The following PLCH1 variants were observed in gnomAD, a reference collection of about 807,000 sequenced individuals.
The protein encoded by PLCH1 is 1-phosphatidylinositol 4,5-bisphosphate phosphodiesterase eta-1.
In PLCH1, 60 loss-of-function variants were observed where a neutral mutation model predicts 126.7. That is an observed-to-expected ratio of 0.47 (90% CI 0.38 to 0.59). PLCH1 has a LOEUF of 0.59. Among genes scored for constraint, PLCH1 ranks in the 20% least tolerant of loss-of-function variants. The pLI is 0.00. For missense variants in PLCH1, 1,723 were observed against 2,040.0 expected (o/e 0.84, Z 2.99); for synonymous variants, 719 against 734.9 (o/e 0.98, Z 0.35).
chr3:155,524,626 C>A (rs1337897394), intron 10 of PLCH1, among the ~76,000 whole-genome samples: 2 of 151,362 alleles, frequency 1.3e-5, no homozygotes, highest in Non-Finnish European at 3.0e-5. Context: ...TGGAGACTTT[C>A]AAAAAAGGGA....
Position 155,452,944 on chromosome 3 carries a change from T to C in PLCH1, c.2938+32412A>G, listed in dbSNP as rs1319027037. On this transcript the variant is annotated intron_variant, in intron 21 of 21. Coordinates refer to the PLCH1 transcript ENST00000494598. Reference sequence around the variant, plus strand: ...AAGTTGAACTCCCAGCCTCACAAGGTATCTACTATTAAAATGAGGATATCG... The same window carrying C: ...AAGTTGAACTCCCAGCCTCACAAGGCATCTACTATTAAAATGAGGATATCG... Among the ~76,000 whole-genome samples the C allele has an allele frequency of 6.6e-5, 10 of 152,292 alleles. No homozygotes were observed. The South Asian group carries it at 2.1e-3, about 32-fold the overall frequency.
intron 21 of PLCH1, among the ~76,000 whole-genome samples, chr3:155,458,807 A>T (rs1466482599): frequency 6.6e-6 from 1 of 152,200 alleles, no homozygotes; most frequent in Non-Finnish European, 1.5e-5. Context: ...GTCTTAAAAG[A>T]CGGGACAACC....
downstream of PLCH1, among the ~76,000 whole-genome samples, chr3:155,476,584 A>G (rs1171989835): frequency 6.6e-6 from 1 of 151,664 alleles, no homozygotes; most frequent in Non-Finnish European, 1.5e-5. Context: ...ACTGATAAAC[A>G]AATTCAGCAA....
chr3:155,523,861 T>C, intron 11 of PLCH1, 36 bp downstream of exon 11: 1 of 1,208,084 alleles, frequency 8.3e-7, no homozygotes, highest in Non-Finnish European at 1.2e-6. Flanking sequence ...ATACAGCATA[T>C]CAAGGATAAA....
chr3:155,553,400 C>T (rs1726391950), intron 9 of PLCH1, among the ~76,000 whole-genome samples: 1 of 152,106 alleles, frequency 6.6e-6, no homozygotes, highest in South Asian at 2.1e-4. Flanking sequence ...AGCCACCGTG[C>T]CCGGCCTCAC....
intron 1 of PLCH1, among the ~76,000 whole-genome samples, chr3:155,708,216 T>G (rs1029858657): frequency 6.6e-6 from 1 of 152,146 alleles, no homozygotes; most frequent in Non-Finnish European, 1.5e-5. Flanking sequence ...AGGAGACTAA[T>G]GAAAAGATGC....
At chr3:155,469,342 C>A (rs1713067792) in intron 21 of PLCH1, among the ~76,000 whole-genome samples, 1 of 152,184 alleles carries the variant, frequency 6.6e-6, no homozygotes, top group African/African-American at 2.4e-5. Flanking sequence ...CAGGTCACTC[C>A]CACCCGAATA....
intron 2 of PLCH1, among the ~76,000 whole-genome samples, chr3:155,664,238 T>C (rs1201043540): frequency 1.3e-5 from 2 of 152,226 alleles, no homozygotes; most frequent in Non-Finnish European, 2.9e-5. Context: ...AAGAAACCTA[T>C]GGTGCTCATC....
chr3:155,547,807 G>A (rs1387766654), intron 10 of PLCH1, among the ~76,000 whole-genome samples: 4 of 145,562 alleles, frequency 2.7e-5, no homozygotes, highest in East Asian at 2.0e-4. Flanking sequence ...ACCAAACACC[G>A]CATATTCTCA....
rs1488045740 is a variant in PLCH1 at position 155,494,611 on chromosome 3, A to G, written c.1895-94T>C. 6 of 1,015,056 alleles carry G rather than the reference A, an allele frequency of 5.9e-6. No homozygotes were observed. In the Admixed American group the frequency reaches 6.1e-5, roughly 10 times the overall value. 62.9% of individuals were successfully genotyped at this position (1,015,056 alleles called of 1,614,324 possible). ...TTTATAATAATGTCAGATTATACCA[A>G]TAGCAAAAAGCAGAGCACTAGAGAG... On this transcript the variant is annotated intron_variant, in intron 15 of 22. Transcript: ENST00000460012.
At chr3:155,732,653 G>T (rs1360038416) in intron 1 of PLCH1, among the ~76,000 whole-genome samples, 1 of 151,994 alleles carries the variant, frequency 6.6e-6, no homozygotes, top group Admixed American at 6.6e-5. Flanking sequence ...TGAGGCAGGC[G>T]AATCACCCGA....
intron 8 of PLCH1, among the ~76,000 whole-genome samples, chr3:155,562,913 A>G (rs1298315691): frequency 1.3e-5 from 2 of 152,202 alleles, no homozygotes; most frequent in South Asian, 4.1e-4. Context: ...CCCAGTCACC[A>G]ATCGACAGCA....
intron 2 of PLCH1, among the ~76,000 whole-genome samples, chr3:155,646,285 C>T (rs1263159971): frequency 6.6e-6 from 1 of 152,222 alleles, no homozygotes; most frequent in Non-Finnish European, 1.5e-5. Flanking sequence ...GATGACATCA[C>T]CAACCACCCA....
At position 155,565,133 on chromosome 3, in the gene PLCH1, G is replaced by C; in HGVS notation, c.866-15C>G. On this transcript the variant is annotated splice_polypyrimidine_tract_variant and intron_variant, in intron 7 of 22. Coordinates refer to ENST00000460012, the MANE Select transcript of PLCH1 (RefSeq NM_014996.4). ...GTTCGTGAAGCCTTTGGAAGAAAGA[G>C]AGTGACTTACTACAGCTTTCAAAGC... The C allele has an allele frequency of 6.3e-7, 1 of 1,585,802 alleles. No individual in the cohort carries two copies. The highest frequency in any genetic ancestry group is 8.7e-7 in the Non-Finnish European group (1 of 1,154,328).
chr3:155,743,389 G>C, intron 1 of PLCH1: 1 of 382,998 alleles, frequency 2.6e-6, no homozygotes, highest in Non-Finnish European at 5.0e-6. Context: ...AAAAATAGCT[G>C]GGCGTGGTGG....
intron 1 of PLCH1, among the ~76,000 whole-genome samples, chr3:155,716,207 T>C (rs1025441811): frequency 2.0e-5 from 3 of 152,266 alleles, no homozygotes; most frequent in Non-Finnish European, 4.4e-5. Context: ...GTCAGAGATT[T>C]AGTCTGTATG....
intron 21 of PLCH1, among the ~76,000 whole-genome samples, chr3:155,471,998 C>T (rs200333950): frequency 6.6e-5 from 10 of 151,846 alleles, no homozygotes; most frequent in African/African-American, 1.5e-4. Context: ...ATTGACACCC[C>T]AACATCACAA....
chr3:155,503,803 G>T (rs139329132), intron 13 of PLCH1, among the ~76,000 whole-genome samples: 2 of 152,328 alleles, frequency 1.3e-5, no homozygotes, highest in East Asian at 1.9e-4. Context: ...CTCCCAAAGT[G>T]CTGGGATTAC....
chr3:155,592,327 C>CA (rs11426252), intron 4 of PLCH1, among the ~76,000 whole-genome samples: 62,426 of 122,622 alleles, frequency 0.51, 16,739 homozygotes, highest in Non-Finnish European at 0.64. Context: ...ACTAAAAATA[C>CA]AAAAAAAAAA....
Sources: gnomAD v4.1 joint callset for allele counts (sites outside exome capture counted in the v4.1 genomes callset) on GRCh38, gnomAD v4.1.1 for gene constraint, MANE v1.5 for transcripts, NCBI Gene and HGNC (gene_info 2026-07-23, HGNC 2026-07-21) for gene names.